HIF3A: variants seen among roughly 807,000 people sequenced by gnomAD.
The protein encoded by HIF3A is hypoxia inducible factor 3 subunit alpha, also known as hypoxia-inducible factor 3-alpha.
Under a neutral mutation model 67.2 loss-of-function variants are expected in HIF3A, and 41 were observed. The ratio of observed to expected loss-of-function variants is 0.61; its 90% CI spans 0.48 to 0.79. HIF3A has a LOEUF of 0.79. Ranked by LOEUF, HIF3A falls within the 30% of genes least tolerant of loss-of-function variation. HIF3A has a pLI of 0.00. For missense variants in HIF3A, 855 were observed against 898.0 expected (o/e 0.95, Z 0.61); for synonymous variants, 356 against 374.8 (o/e 0.95, Z 0.58).
chr19:46,298,477 C>T (rs1256544123), intron 1 of HIF3A: 2 of 1,286,668 alleles, frequency 1.6e-6, no homozygotes, highest in South Asian at 2.5e-5. Flanking sequence ...TCCTGCACCC[C>T]CTGGATGGCC....
chr19:46,303,951 G>T lies in HIF3A; in HGVS notation c.80G>T (p.Arg27Leu). 1 of 1,606,582 alleles carries T rather than the reference G, an allele frequency of 6.2e-7. No individual in the cohort carries two copies. The stretch of plus-strand genomic sequence containing the variant: ...TCCCGGGATGCGGCCCGCAGCCGGC[G>T]CAGCCAGGAGACCGAGGTGCTGTAC... ...EKSRDAARSR[R>L]SQETEVLYQL... The change falls in exon 2 of 15, where the codon CGC (arginine) becomes CTC (leucine). Residue 27 changes from arginine (R) to leucine (L), a missense_variant. This residue lies in a region of HIF3A where 638 missense variants were observed against 660.5 expected (regional missense o/e 0.97). Transcript: ENST00000377670.
chr19:46,338,170 C>T, intron 14 of HIF3A: 1 of 454,020 alleles, frequency 2.2e-6, no homozygotes, highest in Admixed American at 2.3e-5. Flanking sequence ...GGCACAGTGC[C>T]TGACACAAAG....
chr19:46,301,821 C>CAA (rs747426029), intron 1 of HIF3A, among the ~76,000 whole-genome samples: 11 of 82,694 alleles, frequency 1.3e-4, no homozygotes, highest in African/African-American at 2.8e-4. Context: ...AACTCCGTCT[C>CAA]AAAAAAAAAA....
intron 8 of HIF3A, among the ~76,000 whole-genome samples, chr19:46,319,227 CT>C (rs1970173561): frequency 6.6e-6 from 1 of 152,084 alleles, no homozygotes; most frequent in African/African-American, 2.4e-5. Context: ...ATTGTGTGTG[CT>C]TGTATCTTTC....
At chr19:46,325,007 G>GTA (rs1970672387) in intron 10 of HIF3A, among the ~76,000 whole-genome samples, 1 of 145,942 alleles carries the variant, frequency 6.9e-6, no homozygotes, top group Admixed American at 6.8e-5. Context: ...GTGTGTGTGT[G>GTA]TGTGTGTGAG....
rs373645502 is a variant in HIF3A, at chr19:46,308,286, C to T, written c.429C>T (p.Asp143=). 1.2e-4 allele frequency: 195 copies of T among 1,612,408 alleles called. No individual in the cohort carries two copies. The highest frequency in any genetic ancestry group is 1.6e-4 in the Non-Finnish European group (188 of 1,179,006). ...IHPCDQEELQ[D]ALTPQQTLSR... Reference sequence around the variant, plus strand: ...CCTGTGACCAAGAGGAGCTTCAGGACGCCCTGACCCCCCAGCAGAGTGAGT... The same window carrying T: ...CCTGTGACCAAGAGGAGCTTCAGGATGCCCTGACCCCCCAGCAGAGTGAGT... The change falls in exon 4 of 15, where the codon GAC becomes GAT. Residue 143 remains aspartate (D), a synonymous_variant. Transcript: ENST00000377670.
At chr19:46,322,117 T>G in intron 10 of HIF3A, 151 bp downstream of exon 10, 1 of 731,284 alleles carries the variant, frequency 1.4e-6, no homozygotes, top group East Asian at 2.8e-5. Context: ...TGAGGTTCCT[T>G]TAAGACGCAG....
intron 8 of HIF3A, among the ~76,000 whole-genome samples, chr19:46,315,418 A>G (rs1415704890): frequency 6.8e-6 from 1 of 147,204 alleles, no homozygotes; most frequent in African/African-American, 2.5e-5. Flanking sequence ...ACAGTATTCC[A>G]TGGTATGAAT....
chr19:46,322,062 C>G, intron 10 of HIF3A, 96 bp downstream of exon 10: 1 of 1,249,798 alleles, frequency 8.0e-7, no homozygotes, highest in Admixed American at 2.3e-5. Context: ...CTCTGGGCCT[C>G]AGCTTCTCCA....
chr19:46,316,572 G>T (rs1969929869), intron 8 of HIF3A, among the ~76,000 whole-genome samples: 2 of 152,150 alleles, frequency 1.3e-5, no homozygotes, highest in South Asian at 2.1e-4. Context: ...GGAGGCTGAG[G>T]TGGGCAGATG....
In HIF3A at chr19:46,320,519, G is replaced by C; in HGVS notation, c.1102G>C (p.Ala368Pro). 1 of 1,614,036 alleles carries C rather than the reference G, an allele frequency of 6.2e-7. No homozygotes were observed. Among genetic ancestry groups the C allele is most frequent in the Non-Finnish European group, 8.5e-7 (1 of 1,179,962 alleles). The change falls in exon 9 of 15, where the codon GCC (alanine) becomes CCC (proline). Residue 368 changes from alanine (A) to proline (P), a missense_variant. Physicochemically the swap from Ala to Pro is conservative, Grantham distance 27 (BLOSUM62 -1). Around this residue, in one of 3 missense-constraint regions of HIF3A, gnomAD observed 638 missense variants for 660.5 expected, o/e 0.97. Transcript: ENST00000377670. ...CTCTCGCAGACCCATTCAGCGGGGC[G>C]CCCCCTCTCAGAAGGACACCCCTAA... ...QHSRRPIQRG[A>P]PSQKDTPNPG...
intron 8 of HIF3A, 35 bp from the exon 9 acceptor site, chr19:46,320,408 C>A: frequency 6.5e-7 from 1 of 1,543,758 alleles, no homozygotes; most frequent in Non-Finnish European, 9.0e-7. Flanking sequence ...AGGACCCTCC[C>A]TGACTCCCAC....
chr19:46,305,096 C>T, intron 2 of HIF3A, 149 bp from the exon 3 acceptor site: 1 of 1,116,476 alleles, frequency 9.0e-7, no homozygotes, highest in Admixed American at 1.8e-5. Context: ...CTTGGGAATC[C>T]AGGCCACTAG....
intron 6 of HIF3A, chr19:46,310,799 G>A: frequency 3.5e-6 from 1 of 283,794 alleles, no homozygotes; most frequent in Admixed American, 4.3e-5. Context: ...CACCCAGGCT[G>A]GAGTGCAGTG....
rs372077799 is a variant in HIF3A at position 46,307,031 on chromosome 19, A to G, written c.364-1190A>G. Among the ~76,000 whole-genome samples, 23 of 152,056 alleles carry G rather than the reference A, an allele frequency of 1.5e-4. No individual in the cohort carries two copies. In the South Asian group the frequency reaches 4.8e-3, roughly 32 times the overall value. ...CTCATCTCGGGGCCTTGCGCTTACT[A>G]TTCCCCTCTTTCTAGAATACTCTTA... On this transcript the variant is annotated intron_variant, in intron 3 of 14. Transcript: ENST00000377670.
chr19:46,342,192 C>G lies in HIF3A; in HGVS notation c.*2570C>G, dbSNP rs1221749588. The G allele has an allele frequency of 6.6e-6, 1 of 152,160 alleles. No individual in the cohort carries two copies. Among genetic ancestry groups the G allele is most frequent in the Non-Finnish European group, 1.5e-5 (1 of 68,038 alleles). 9.4% of individuals were successfully genotyped at this position (152,160 alleles called of 1,614,324 possible). On this transcript the variant is annotated 3_prime_UTR_variant, in exon 15 of 15. Transcript: ENST00000377670. Reference sequence around the variant, plus strand: ...CCCTTGGCTCTAGACTTCATCATTTCCAGCTCCTCCTCACTCAAGATCTGA... The same window carrying G: ...CCCTTGGCTCTAGACTTCATCATTTGCAGCTCCTCCTCACTCAAGATCTGA...
rs1332468893 is a variant in HIF3A, at chr19:46,340,508, CTT to C, written c.*897_*898del. On this transcript the variant is annotated 3_prime_UTR_variant, in exon 15 of 15. Coordinates refer to ENST00000377670, the MANE Select transcript of HIF3A (RefSeq NM_152795.4). ...TCCTGCTCCTCTTCCTCTTCTTCTTCTTTTTTTTTTTTGACAGAGTCTTGCTC... is the reference window on the plus strand; with the variant it reads ...TCCTGCTCCTCTTCCTCTTCTTCTTCTTTTTTTTTTGACAGAGTCTTGCTC... The C allele has an allele frequency of 1.1e-4, 16 of 148,298 alleles. No homozygotes were observed. The highest frequency in any genetic ancestry group is 2.2e-4 in the South Asian group (1 of 4,648). The allele number at this position is 148,298 out of a possible 1,614,324, so 9.2% of individuals were successfully genotyped here. A position where few individuals can be genotyped will look rare whatever the true frequency, so the allele number is the denominator to read the frequency against.
At chr19:46,313,242 C>G in intron 8 of HIF3A, 1 of 864,468 alleles carries the variant, frequency 1.2e-6, no homozygotes, top group African/African-American at 2.5e-5. Flanking sequence ...CAGAGCGAGA[C>G]TCTGTCTCAA....
In HIF3A at chr19:46,308,776, G is replaced by T; in HGVS notation, c.561+1G>T. ...CAACCTCAAGGCGGCCACCTGGAAG[G>T]TGCGTGGGGCCGGGCCAGAGGAGGG... is the stretch of plus-strand genomic sequence containing the variant. On this transcript the variant is annotated splice_donor_variant, in intron 5 of 14. Coordinates refer to ENST00000377670, the MANE Select transcript of HIF3A (RefSeq NM_152795.4). LOFTEE classifies it high-confidence loss of function. 1.3e-6 allele frequency: 2 copies of T among 1,590,972 alleles called. No homozygotes were observed. The highest frequency in any genetic ancestry group is 1.7e-6 in the Non-Finnish European group (2 of 1,165,316).
Sources: gnomAD v4.1 joint callset for allele counts (sites outside exome capture counted in the v4.1 genomes callset) on GRCh38, gnomAD v4.1.1 for gene constraint, gnomAD v4.1.1 regional missense constraint, MANE v1.5 for transcripts, NCBI Gene and HGNC (gene_info 2026-07-23, HGNC 2026-07-21) for gene names.